The following SPATA6 variants were observed in gnomAD, a reference collection of about 807,000 sequenced individuals.
SPATA6 encodes the protein spermatogenesis-associated protein 6.
In SPATA6, 56 loss-of-function variants were observed where a neutral mutation model predicts 65.3. The ratio of observed to expected loss-of-function variants is 0.86; its 90% CI spans 0.69 to 1.07. The LOEUF is 1.07. SPATA6 is among the 50% of genes least tolerant of loss of function. The probability of loss-of-function intolerance (pLI) is 0.00; values close to 1 mark genes in which losing one functional copy is unlikely to be tolerated. For missense variants in SPATA6, 590 were observed against 594.8 expected (o/e 0.99, Z 0.08); for synonymous variants, 199 against 213.2 (o/e 0.93, Z 0.58).
chr1:48,447,869 CA>C (rs1350655619), intron 3 of SPATA6: 1 of 151,886 alleles, frequency 6.6e-6, no homozygotes, highest in Non-Finnish European at 1.5e-5. Context: ...AAAATAACAT[CA>C]AAACTCATGA....
chr1:48,302,713 A>G (rs906882048), intron 12 of SPATA6, among the ~76,000 whole-genome samples: 3 of 152,144 alleles, frequency 2.0e-5, no homozygotes, highest in Admixed American at 6.6e-5. Flanking sequence ...GCCTTCACCA[A>G]TATCTCTCAT....
At chr1:48,313,555 C>G (rs545362887) in intron 11 of SPATA6, among the ~76,000 whole-genome samples, 7 of 152,054 alleles carry the variant, frequency 4.6e-5, no homozygotes, top group Non-Finnish European at 7.4e-5. Context: ...CACTAAACAT[C>G]GAAAGGAACA....
rs149816942 is a variant in SPATA6 at position 48,314,959 on chromosome 1, C to G, written c.1195-9081G>C. 4.5e-3 allele frequency among the ~76,000 whole-genome samples: 691 copies of G among 152,246 alleles called. 4 individuals are homozygous for G. The highest frequency in any genetic ancestry group is 0.015 in the African/African-American group (617 of 41,562). On this transcript the variant is annotated intron_variant, in intron 11 of 12. Coordinates refer to ENST00000371847, the MANE Select transcript of SPATA6 (RefSeq NM_019073.4). ...AAAATCTAGAATAAATGGATAAATC[C>G]TTGACACATACACCCTCCCAAGACT...
chr1:48,288,223 A>G, the SPATA6 span, among the ~76,000 whole-genome samples: 1 of 152,200 alleles, frequency 6.6e-6, no homozygotes, highest in Non-Finnish European at 1.5e-5. Flanking sequence ...GAGGACTTCC[A>G]TATCTATGTT....
intron 3 of SPATA6, among the ~76,000 whole-genome samples, chr1:48,428,775 A>ATGTGTGTGTG (rs59651745): frequency 0.01 from 1,360 of 133,524 alleles, 11 homozygotes; most frequent in Middle Eastern, 0.021. Flanking sequence ...AGGTGTATAT[A>ATGTGTGTGTG]TGTGTGTGTG....
chr1:48,390,251 TATC>T (rs1328834573), intron 8 of SPATA6, among the ~76,000 whole-genome samples: 5 of 152,204 alleles, frequency 3.3e-5, no homozygotes, highest in Non-Finnish European at 5.9e-5. Context: ...AAATTAATGA[TATC>T]ATGTCATTTG....
At chr1:48,460,884 A>G (rs1449243855) in intron 1 of SPATA6, among the ~76,000 whole-genome samples, 2 of 152,072 alleles carry the variant, frequency 1.3e-5, no homozygotes, top group Admixed American at 1.3e-4. Context: ...ATTATCTAAA[A>G]ACAATAAGTT....
At chr1:48,385,936 A>T (rs562959881) in intron 8 of SPATA6, among the ~76,000 whole-genome samples, 1 of 152,318 alleles carries the variant, frequency 6.6e-6, no homozygotes, top group East Asian at 1.9e-4. Context: ...TTTAAAGATT[A>T]TATAAGATCT....
intron 1 of SPATA6, among the ~76,000 whole-genome samples, chr1:48,464,322 AC>A (rs1191069751): frequency 3.3e-5 from 5 of 152,184 alleles, no homozygotes; most frequent in Non-Finnish European, 7.4e-5. Flanking sequence ...ACAAAACAAA[AC>A]AAAACAAAAC....
chr1:48,334,063 T>C (rs1437890263), intron 11 of SPATA6, among the ~76,000 whole-genome samples: 1 of 152,116 alleles, frequency 6.6e-6, no homozygotes, highest in Non-Finnish European at 1.5e-5. Context: ...ATATACATCC[T>C]TCCAAGACTA....
At chr1:48,450,856 T>C (rs757304670) in intron 3 of SPATA6, among the ~76,000 whole-genome samples, 4 of 152,212 alleles carry the variant, frequency 2.6e-5, no homozygotes, top group Non-Finnish European at 5.9e-5. Context: ...ATAATGATTA[T>C]GCTCAATTTT....
At chr1:48,459,305 A>G (rs375137992) in intron 1 of SPATA6, among the ~76,000 whole-genome samples, 2 of 152,010 alleles carry the variant, frequency 1.3e-5, no homozygotes, top group East Asian at 1.9e-4. Context: ...GAAAAGATCT[A>G]TCATCTAATT....
At chr1:48,310,167 T>C (rs1385191530) in intron 11 of SPATA6, among the ~76,000 whole-genome samples, 1 of 152,164 alleles carries the variant, frequency 6.6e-6, no homozygotes, top group African/African-American at 2.4e-5. Flanking sequence ...GGCAATGAGG[T>C]TTAACAATTG....
chr1:48,301,546 C>A (rs182499798), intron 12 of SPATA6, among the ~76,000 whole-genome samples: 2,124 of 147,478 alleles, frequency 0.014, 47 homozygotes, highest in African/African-American at 0.045. Context: ...CACACACACA[C>A]AAAAAAAAAA....
Position 48,352,358 on chromosome 1 carries a change from T to A in SPATA6, c.1194+3312A>T, listed in dbSNP as rs371389577. Among the ~76,000 whole-genome samples the A allele has an allele frequency of 4.6e-5, 7 of 152,060 alleles. No individual in the cohort carries two copies. The East Asian group carries it at 1.2e-3, about 25-fold the overall frequency. Reference sequence around the variant, plus strand: ...AGCCAAACCATATCATTTATAGTAGTTTGTATTTTTCCAGGATTTGGCCCA... The same window carrying A: ...AGCCAAACCATATCATTTATAGTAGATTGTATTTTTCCAGGATTTGGCCCA... On this transcript the variant is annotated intron_variant, in intron 11 of 12. Coordinates refer to ENST00000371847, the MANE Select transcript of SPATA6 (RefSeq NM_019073.4).
At chr1:48,354,403 G>T (rs1646599099) in intron 11 of SPATA6, among the ~76,000 whole-genome samples, 1 of 152,066 alleles carries the variant, frequency 6.6e-6, no homozygotes, top group Non-Finnish European at 1.5e-5. Flanking sequence ...CAAATAAAAT[G>T]TATGCAATGT....
intron 5 of SPATA6, among the ~76,000 whole-genome samples, chr1:48,405,655 C>A (rs1461108431): frequency 6.6e-6 from 1 of 152,088 alleles, no homozygotes; most frequent in East Asian, 1.9e-4. Flanking sequence ...AGGGGATGAT[C>A]CAAGAGCAAA....
chr1:48,323,724 C>T lies in SPATA6; in HGVS notation c.1195-17846G>A, dbSNP rs551053495. The stretch of plus-strand genomic sequence containing the variant: ...AAGGATCATTAGAGGATACTACGAG[C>T]GTCTGTATTCCATAAATTGGAAAAC... On this transcript the variant is annotated intron_variant, in intron 11 of 12. Coordinates refer to ENST00000371847, the MANE Select transcript of SPATA6 (RefSeq NM_019073.4). 7.9e-5 allele frequency among the ~76,000 whole-genome samples: 12 copies of T among 151,076 alleles called. No individual in the cohort carries two copies. The South Asian group carries it at 1.5e-3, about 19-fold the overall frequency.
chr1:48,383,014 T>G (rs2147849516), intron 9 of SPATA6, among the ~76,000 whole-genome samples: 3 of 98,030 alleles, frequency 3.1e-5, no homozygotes, highest in Non-Finnish European at 2.2e-5. Context: ...GGCTCCTCAC[T>G]TCCCAGTAGG....
Sources: allele counts gnomAD v4.1 joint callset (sites outside exome capture counted in the v4.1 genomes callset), GRCh38; gene constraint gnomAD v4.1.1; transcripts MANE v1.5; gene names NCBI Gene and HGNC (gene_info 2026-07-23, HGNC 2026-07-21).